ENOX1: variants seen among roughly 807,000 people sequenced by gnomAD.
ENOX1 encodes the protein ecto-NOX disulfide-thiol exchanger 1, also known as candidate growth-related and time keeping constitutive hydroquinone (NADH) oxidase.
A neutral mutation model predicts 82.5 loss-of-function variants in ENOX1; 42 were observed. That is an observed-to-expected ratio of 0.51 (90% CI 0.40 to 0.66). The LOEUF (loss-of-function observed/expected upper bound fraction) is 0.66, where lower values mean the gene tolerates loss of function less well. Among genes scored for constraint, ENOX1 ranks in the 30% least tolerant of loss-of-function variants. ENOX1 has a pLI of 0.00. For synonymous variants in ENOX1, 271 were observed against 282.2 expected, an observed-to-expected ratio of 0.96 and a Z score of 0.40; for missense variants, 608 against 811.6, an observed-to-expected ratio of 0.75 and a Z score of 3.05.
intron 15 of ENOX1, among the ~76,000 whole-genome samples, chr13:43,235,071 C>T (rs767762244): frequency 1.3e-4 from 20 of 152,104 alleles, no homozygotes; most frequent in Non-Finnish European, 2.5e-4. Context: ...AAAATCACAC[C>T]TTGGTCACAC....
chr13:43,699,046 T>C (rs2086781735), intron 1 of ENOX1, among the ~76,000 whole-genome samples: 1 of 152,204 alleles, frequency 6.6e-6, no homozygotes, highest in Non-Finnish European at 1.5e-5. Context: ...AATTGCATAA[T>C]GACTAATTCT....
At position 43,451,581 on chromosome 13, in the gene ENOX1, A is replaced by C. The variant is rs539376429; in HGVS notation, c.-75+32428T>G. 1.6e-4 allele frequency among the ~76,000 whole-genome samples: 24 copies of C among 152,324 alleles called. No individual in the cohort carries two copies. In the South Asian group the frequency reaches 5.0e-3, roughly 32 times the overall value. On this transcript the variant is annotated intron_variant, in intron 3 of 16. Coordinates refer to ENST00000690772, the MANE Select transcript of ENOX1 (RefSeq NM_001347969.2). Reference sequence around the variant, plus strand: ...TATTAATAAGTGATTATTTTATCATAGCCTTCACAAAACACTTTAAATGGG... The same window carrying C: ...TATTAATAAGTGATTATTTTATCATCGCCTTCACAAAACACTTTAAATGGG...
chr13:43,720,203 T>C (rs1023957349), intron 1 of ENOX1, among the ~76,000 whole-genome samples: 3 of 152,202 alleles, frequency 2.0e-5, no homozygotes, highest in African/African-American at 7.2e-5. Context: ...AAAGCAATGA[T>C]CTTATTCAAT....
At chr13:43,444,619 A>C (rs1305914759) in intron 3 of ENOX1, among the ~76,000 whole-genome samples, 1 of 152,254 alleles carries the variant, frequency 6.6e-6, no homozygotes, top group East Asian at 1.9e-4. Context: ...CAAATTCTTA[A>C]GTTAGCTAGA....
chr13:43,240,425 G>C (rs2042762914), intron 14 of ENOX1, among the ~76,000 whole-genome samples: 1 of 152,162 alleles, frequency 6.6e-6, no homozygotes, highest in Non-Finnish European at 1.5e-5. Context: ...CAAGTGAAGA[G>C]TTTTCAGTTC....
intron 1 of ENOX1, among the ~76,000 whole-genome samples, chr13:43,705,373 A>T (rs1275501206): frequency 1.3e-5 from 2 of 148,532 alleles, no homozygotes; most frequent in African/African-American, 4.9e-5. Flanking sequence ...GTAACACTCC[A>T]ATTACAAGGC....
chr13:43,518,867 C>T (rs2077655823), intron 2 of ENOX1, among the ~76,000 whole-genome samples: 1 of 152,172 alleles, frequency 6.6e-6, no homozygotes, highest in Admixed American at 6.5e-5. Flanking sequence ...ACACACTCCA[C>T]AGTGTCCACA....
Position 43,698,278 on chromosome 13 carries a change from T to C in ENOX1, c.-284-30734A>G, listed in dbSNP as rs115393443. On this transcript the variant is annotated intron_variant, in intron 1 of 16. Coordinates refer to ENST00000690772, the MANE Select transcript of ENOX1 (RefSeq NM_001347969.2). Reference sequence around the variant, plus strand: ...AGCCCCTTTAGTTTTCAGCAACCAATACGTAAGAATCACAACTCCTACATA... The same window carrying C: ...AGCCCCTTTAGTTTTCAGCAACCAACACGTAAGAATCACAACTCCTACATA... 3.2e-3 allele frequency among the ~76,000 whole-genome samples: 480 copies of C among 152,296 alleles called. 5 individuals are homozygous for C. The highest frequency in any genetic ancestry group is 0.011 in the African/African-American group (456 of 41,574).
intron 1 of ENOX1, among the ~76,000 whole-genome samples, chr13:43,669,656 T>C (rs2085160071): frequency 6.6e-6 from 1 of 152,136 alleles, no homozygotes; most frequent in South Asian, 2.1e-4. Context: ...TATCCTCTCT[T>C]TTCTTTCCTG....
chr13:43,319,138 T>A (rs2047672429), intron 11 of ENOX1, among the ~76,000 whole-genome samples: 1 of 152,246 alleles, frequency 6.6e-6, no homozygotes, highest in African/African-American at 2.4e-5. Context: ...TTTGAATTTT[T>A]ATCAAAAATT....
chr13:43,760,113 T>C (rs1317430868), intron 1 of ENOX1, among the ~76,000 whole-genome samples: 2 of 152,210 alleles, frequency 1.3e-5, no homozygotes, highest in African/African-American at 4.8e-5. Context: ...CCTATAGGAA[T>C]ACACTGAGAA....
At chr13:43,341,290 C>T (rs186892580) in intron 9 of ENOX1, among the ~76,000 whole-genome samples, 1 of 132,308 alleles carries the variant, frequency 7.6e-6, no homozygotes, top group Non-Finnish European at 1.6e-5. Context: ...AGTGAGACTC[C>T]ATCTCAAAAA....
intron 11 of ENOX1, 54 bp from the exon 12 acceptor site, chr13:43,298,584 G>A: frequency 1.3e-6 from 2 of 1,504,568 alleles, no homozygotes; most frequent in South Asian, 1.3e-5. Context: ...TTAGCTTGAG[G>A]AGGCCTTCTG....
At chr13:43,403,763 C>T (rs554960714) in intron 5 of ENOX1, among the ~76,000 whole-genome samples, 1 of 151,910 alleles carries the variant, frequency 6.6e-6, no homozygotes, top group South Asian at 2.1e-4. Flanking sequence ...TCACCTGAGC[C>T]CGGGAAGTTG....
chr13:43,397,209 C>A (rs1329298467), intron 5 of ENOX1, among the ~76,000 whole-genome samples: 1 of 152,226 alleles, frequency 6.6e-6, no homozygotes, highest in Non-Finnish European at 1.5e-5. Context: ...TTCTAAATTG[C>A]CTTTTTCCTA....
At chr13:43,286,012 T>G (rs1217472626) in intron 12 of ENOX1, among the ~76,000 whole-genome samples, 1 of 152,126 alleles carries the variant, frequency 6.6e-6, no homozygotes, top group African/African-American at 2.4e-5. Context: ...CCCTGGAGCA[T>G]GAAGACCCCC....
intron 2 of ENOX1, among the ~76,000 whole-genome samples, chr13:43,591,341 G>C (rs2081237020): frequency 6.6e-6 from 1 of 152,180 alleles, no homozygotes; most frequent in Admixed American, 6.5e-5. Flanking sequence ...AATTAATACA[G>C]ATAAATCTCA....
intron 3 of ENOX1, among the ~76,000 whole-genome samples, chr13:43,433,196 G>A (rs1337883652): frequency 6.6e-6 from 1 of 152,144 alleles, no homozygotes; most frequent in African/African-American, 2.4e-5. Flanking sequence ...TCATAGCATG[G>A]CAGAGAAAAT....
chr13:43,754,190 T>TATAC (rs1476770422), intron 1 of ENOX1, among the ~76,000 whole-genome samples: 2 of 130,588 alleles, frequency 1.5e-5, no homozygotes. Flanking sequence ...TGTATGTATA[T>TATAC]ATACATATGT....
Sources: gnomAD v4.1 joint callset for allele counts (sites outside exome capture counted in the v4.1 genomes callset) on GRCh38, gnomAD v4.1.1 for gene constraint, MANE v1.5 for transcripts, NCBI Gene and HGNC (gene_info 2026-07-23, HGNC 2026-07-21) for gene names.